Variants in FOCAD observed in about 807,000 individuals in gnomAD.
The protein encoded by FOCAD is focadhesin.
In FOCAD, 198 loss-of-function variants were observed where a neutral mutation model predicts 225.6. That is an observed-to-expected ratio of 0.88 (90% CI 0.78 to 0.99). The LOEUF (loss-of-function observed/expected upper bound fraction) is 0.99. Ranked by LOEUF, FOCAD falls within the 50% of genes least tolerant of loss-of-function variation. The pLI is 0.00. For missense variants in FOCAD, 2,713 were observed against 2,123.6 expected (o/e 1.28, Z -5.46); for synonymous variants, 897 against 755.0 (o/e 1.19, Z -3.08).
chr9:20,703,860 A>G (rs1230705673), intron 1 of FOCAD, among the ~76,000 whole-genome samples: 1 of 152,212 alleles, frequency 6.6e-6, no homozygotes, highest in African/African-American at 2.4e-5. Context: ...TGTTTAACCA[A>G]TGAGGAAACA....
intron 23 of FOCAD, among the ~76,000 whole-genome samples, chr9:20,915,136 A>G (rs1034484525): frequency 6.6e-6 from 1 of 152,146 alleles, no homozygotes; most frequent in Non-Finnish European, 1.5e-5. Flanking sequence ...TTAGCCTCCA[A>G]TTAGAGATAG....
intron 1 of FOCAD, among the ~76,000 whole-genome samples, chr9:20,714,448 TA>T (rs1269958703): frequency 6.6e-6 from 1 of 152,164 alleles, no homozygotes; most frequent in Non-Finnish European, 1.5e-5. Context: ...AATTATATTG[TA>T]AAAGTAGGTG....
intron 39 of FOCAD, among the ~76,000 whole-genome samples, chr9:20,985,057 C>T (rs947686580): frequency 5.9e-5 from 9 of 152,202 alleles, no homozygotes; most frequent in Admixed American, 5.9e-4. Flanking sequence ...CTGCCTTGGC[C>T]TCCCAAAGCG....
chr9:20,786,850 T>G, intron 10 of FOCAD: 1 of 173,196 alleles, frequency 5.8e-6, no homozygotes, highest in Non-Finnish European at 1.3e-5. Context: ...GTGGTTTATT[T>G]TTTATTGATA....
chr9:20,979,053 T>C (rs2132609245), intron 37 of FOCAD, among the ~76,000 whole-genome samples: 1 of 152,306 alleles, frequency 6.6e-6, no homozygotes, highest in Non-Finnish European at 1.5e-5. Flanking sequence ...CTTTCACGTA[T>C]AGGCCAAGGG....
chr9:20,753,071 G>A (rs1247906133), intron 5 of FOCAD, among the ~76,000 whole-genome samples: 1 of 152,066 alleles, frequency 6.6e-6, no homozygotes. Context: ...TGAGTCAATG[G>A]GGTTTTCTAG....
chr9:20,925,637 C>A (rs1834865793), intron 25 of FOCAD, among the ~76,000 whole-genome samples: 1 of 152,152 alleles, frequency 6.6e-6, no homozygotes, highest in Admixed American at 6.5e-5. Flanking sequence ...TTCCAGTTAC[C>A]ATGTGAGTTA....
intron 15 of FOCAD, among the ~76,000 whole-genome samples, chr9:20,851,058 T>A (rs887870257): frequency 6.6e-6 from 1 of 151,446 alleles, no homozygotes; most frequent in African/African-American, 2.4e-5. Flanking sequence ...AAATAATTAG[T>A]CTTATGAAAA....
chr9:20,874,682 T>TAAGACCAGAAATTCCCATTCCTGAAG lies in FOCAD; in HGVS notation c.2194_2219dup (p.Leu741AspfsTer10). ...TGATCTTTTCGCTTATCATTTCAGA[T>TAAGACCAGAAATTCCCATTCCTGAAG]AAGACCAGAAATTCCCATTCCTGAA... On this transcript the variant is annotated frameshift_variant and splice_region_variant, in exon 19 of 44. Transcript: ENST00000338382. LOFTEE classifies it high-confidence loss of function. 1 of 1,613,200 alleles carries TAAGACCAGAAATTCCCATTCCTGAAG rather than the reference T, an allele frequency of 6.2e-7. No homozygotes were observed. Among genetic ancestry groups the TAAGACCAGAAATTCCCATTCCTGAAG allele is most frequent in the Non-Finnish European group, 8.5e-7 (1 of 1,179,502 alleles).
chr9:20,726,322 A>G (rs1235753990), intron 4 of FOCAD: 1 of 152,148 alleles, frequency 6.6e-6, no homozygotes, highest in Non-Finnish European at 1.5e-5. Flanking sequence ...ATTGTGAATA[A>G]AAAATCTTGC....
intron 36 of FOCAD, among the ~76,000 whole-genome samples, chr9:20,977,481 T>C (rs1051304535): frequency 2.0e-5 from 3 of 152,164 alleles, no homozygotes; most frequent in East Asian, 1.9e-4. Flanking sequence ...GAGTTACACA[T>C]GCAAATATAA....
chr9:20,904,262 G>A (rs1208630826), intron 21 of FOCAD, among the ~76,000 whole-genome samples: 1 of 151,714 alleles, frequency 6.6e-6, no homozygotes, highest in Non-Finnish European at 1.5e-5. Flanking sequence ...CAGTTCTTTT[G>A]GGTATATACC....
Position 20,923,755 on chromosome 9 carries a change from A to G in FOCAD, c.2948A>G (p.Asp983Gly), listed in dbSNP as rs1417375163. 9.9e-6 allele frequency: 16 copies of G among 1,613,412 alleles called. No homozygotes were observed. The highest frequency in any genetic ancestry group is 1.4e-5 in the Non-Finnish European group (16 of 1,179,628). ...RHEASLSSDS[D>G]GLLEVQPNFL... ...GAAGCCAGCCTCTCCTCAGACTCTG[A>G]CGGGCTCCTGGAGGTTAGTTGGGGT... The change falls in exon 25 of 44, where the codon GAC (aspartate) becomes GGC (glycine). Residue 983 changes from aspartate (D) to glycine (G), a missense_variant. Coordinates refer to ENST00000338382, the MANE Select transcript of FOCAD (RefSeq NM_001375567.1).
At chr9:20,746,463 C>G (rs192518209) in intron 5 of FOCAD, among the ~76,000 whole-genome samples, 322 of 152,238 alleles carry the variant, frequency 2.1e-3, no homozygotes, top group African/African-American at 7.3e-3. Context: ...AAAAACATTT[C>G]TTTTTAACTT....
At chr9:20,820,542 A>C (rs1824209551) in intron 13 of FOCAD, 117 bp downstream of exon 13, 1 of 766,806 alleles carries the variant, frequency 1.3e-6, no homozygotes, top group South Asian at 2.2e-5. Flanking sequence ...GGCATCAGTG[A>C]TTGCATTGAA....
At chr9:20,691,867 G>A (rs539315557) in intron 1 of FOCAD, among the ~76,000 whole-genome samples, 257 of 152,174 alleles carry the variant, frequency 1.7e-3, no homozygotes, top group Non-Finnish European at 3.2e-3. Context: ...TCCGCCTCCC[G>A]GGTTCAAGCG....
chr9:20,869,949 C>G (rs766060767), intron 18 of FOCAD, among the ~76,000 whole-genome samples: 6 of 152,042 alleles, frequency 3.9e-5, no homozygotes, highest in Non-Finnish European at 7.4e-5. Context: ...TCCCTTTTAG[C>G]TTTTATTTTT....
At chr9:20,716,088 G>T (rs1825306978) in intron 2 of FOCAD, 2 of 451,724 alleles carry the variant, frequency 4.4e-6, no homozygotes, top group Non-Finnish European at 4.9e-6. Context: ...TAACTTCGGA[G>T]ATGTCTGCTG....
chr9:20,677,393 C>CT (rs1262391546), intron 2 of FOCAD, among the ~76,000 whole-genome samples: 2 of 152,100 alleles, frequency 1.3e-5, no homozygotes, highest in Non-Finnish European at 2.9e-5. Flanking sequence ...AACCAAAAAG[C>CT]TTTTGCACAG....
Sources: allele counts gnomAD v4.1 joint callset (sites outside exome capture counted in the v4.1 genomes callset), GRCh38; gene constraint gnomAD v4.1.1; transcripts MANE v1.5; gene names NCBI Gene and HGNC (gene_info 2026-07-23, HGNC 2026-07-21).